The following FBXL17 variants were observed in gnomAD, a reference collection of about 807,000 sequenced individuals.
FBXL17 encodes the protein F-box/LRR-repeat protein 17.
In FBXL17, 22 loss-of-function variants were observed where a neutral mutation model predicts 66.2. That is an observed-to-expected ratio of 0.33 (90% CI 0.24 to 0.47). The LOEUF is 0.47. Ranked by LOEUF, FBXL17 falls within the 20% of genes least tolerant of loss-of-function variation. FBXL17 has a pLI of 1.00. For synonymous variants in FBXL17, 474 were observed against 400.5 expected (o/e 1.18, Z -2.19); for missense variants, 878 against 948.2 (o/e 0.93, Z 0.97).
intron 7 of FBXL17, among the ~76,000 whole-genome samples, chr5:107,979,137 T>C (rs1292465187): frequency 6.6e-6 from 1 of 152,224 alleles, no homozygotes; most frequent in South Asian, 2.1e-4. Context: ...AAACTTTATG[T>C]ATAAGTCAAT....
intron 7 of FBXL17, among the ~76,000 whole-genome samples, chr5:107,932,903 A>G (rs1445004362): frequency 1.3e-5 from 2 of 152,154 alleles, no homozygotes; most frequent in African/African-American, 4.8e-5. Flanking sequence ...TTGATTGTGG[A>G]TATAAACTAG....
intron 7 of FBXL17, among the ~76,000 whole-genome samples, chr5:107,965,555 C>T (rs1221437467): frequency 1.3e-5 from 2 of 152,150 alleles, no homozygotes; most frequent in African/African-American, 4.8e-5. Context: ...CAGACCTTCT[C>T]CAAGGTATAG....
At chr5:108,342,280 G>A (rs1052156767) in intron 4 of FBXL17, among the ~76,000 whole-genome samples, 3 of 152,086 alleles carry the variant, frequency 2.0e-5, no homozygotes, top group African/African-American at 7.2e-5. Flanking sequence ...GAGAAATTTT[G>A]TATAAAATAC....
chr5:108,107,955 C>T (rs1426406908), intron 6 of FBXL17, among the ~76,000 whole-genome samples: 7 of 152,154 alleles, frequency 4.6e-5, no homozygotes, highest in Non-Finnish European at 8.8e-5. Flanking sequence ...TATAATCTGC[C>T]TGTTGGCTCG....
At chr5:108,179,954 G>C (rs1371702415) in intron 6 of FBXL17, among the ~76,000 whole-genome samples, 2 of 152,122 alleles carry the variant, frequency 1.3e-5, no homozygotes, top group South Asian at 2.1e-4. Context: ...AATGGAAAGG[G>C]GGCCAAAGAG....
intron 3 of FBXL17, among the ~76,000 whole-genome samples, chr5:108,361,784 A>C (rs553368805): frequency 6.6e-6 from 1 of 152,212 alleles, no homozygotes; most frequent in African/African-American, 2.4e-5. Context: ...CAGATATATA[A>C]GCACCTGCAT....
At chr5:108,031,496 G>T (rs189610886) in intron 6 of FBXL17, among the ~76,000 whole-genome samples, 2 of 152,022 alleles carry the variant, frequency 1.3e-5, no homozygotes, top group East Asian at 3.9e-4. Context: ...AATATCATAG[G>T]AGTTAAAAAA....
At chr5:108,377,209 CAGTT>C (rs1034663648) in intron 1 of FBXL17, among the ~76,000 whole-genome samples, 23 of 152,308 alleles carry the variant, frequency 1.5e-4, no homozygotes, top group African/African-American at 5.3e-4. Context: ...CCCTTGCTCT[CAGTT>C]AGACAACCTC....
chr5:107,943,982 C>A (rs1161881745), intron 7 of FBXL17, among the ~76,000 whole-genome samples: 1 of 152,170 alleles, frequency 6.6e-6, no homozygotes, highest in Non-Finnish European at 1.5e-5. Context: ...TTGAAGGTGC[C>A]TTGTACATTG....
At chr5:108,099,468 T>C (rs940388005) in intron 6 of FBXL17, among the ~76,000 whole-genome samples, 5 of 152,182 alleles carry the variant, frequency 3.3e-5, no homozygotes, top group Non-Finnish European at 7.3e-5. Context: ...CACTTAGATA[T>C]TGATTTATAG....
intron 4 of FBXL17, among the ~76,000 whole-genome samples, chr5:108,292,870 C>T (rs981401139): frequency 9.2e-5 from 14 of 152,162 alleles, no homozygotes; most frequent in Admixed American, 2.6e-4. Context: ...GAGGACGAGG[C>T]GGGTGGATCA....
At chr5:108,186,336 T>TA in intron 5 of FBXL17, 89 bp from the exon 6 acceptor site, 1 of 1,080,408 alleles carries the variant, frequency 9.3e-7, no homozygotes, top group Non-Finnish European at 1.4e-6. Flanking sequence ...CAAGGTAGAG[T>TA]ATCACTGTAA....
intron 4 of FBXL17, among the ~76,000 whole-genome samples, chr5:108,240,058 G>C (rs1031947016): frequency 6.6e-6 from 1 of 152,092 alleles, no homozygotes; most frequent in Admixed American, 6.5e-5. Context: ...ATCAGAAGCA[G>C]TACCCAGGCA....
At chr5:107,880,137 G>T (rs1452608181) in intron 8 of FBXL17, 2 of 197,694 alleles carry the variant, frequency 1.0e-5, no homozygotes, top group East Asian at 1.9e-4. Context: ...GCACAATCAC[G>T]GCTCACTGCA....
intron 6 of FBXL17, among the ~76,000 whole-genome samples, chr5:108,091,971 T>C (rs1749203040): frequency 6.6e-6 from 1 of 152,242 alleles, no homozygotes; most frequent in Non-Finnish European, 1.5e-5. Flanking sequence ...TCTTTGTTAA[T>C]TTAGGTGTTA....
intron 6 of FBXL17, among the ~76,000 whole-genome samples, chr5:108,173,218 T>C (rs561774453): frequency 9.2e-5 from 14 of 152,248 alleles, no homozygotes; most frequent in African/African-American, 2.6e-4. Context: ...TATATCCTTA[T>C]AAAAAGCACA....
chr5:108,352,659 C>T (rs1034983089), intron 3 of FBXL17, among the ~76,000 whole-genome samples: 7 of 151,912 alleles, frequency 4.6e-5, no homozygotes, highest in East Asian at 1.9e-4. Context: ...TACAGGCACC[C>T]GCCATGACTC....
At chr5:108,141,608 C>A (rs943435197) in intron 6 of FBXL17, among the ~76,000 whole-genome samples, 2 of 152,194 alleles carry the variant, frequency 1.3e-5, no homozygotes. Flanking sequence ...TTTCTAAAAA[C>A]AGATCTGGGC....
In FBXL17 at chr5:108,101,552, T is replaced by C. The variant is rs1385696571; in HGVS notation, c.1746-80551A>G. ...TATTAATGTAACAGTTCTCAGCTAA[T>C]TCCTCTCATTTAGAAAATGGCTTTT... On this transcript the variant is annotated intron_variant, in intron 6 of 8. Transcript: ENST00000542267. Among the ~76,000 whole-genome samples the C allele has an allele frequency of 3.3e-5, 5 of 152,250 alleles. No homozygotes were observed. In the South Asian group the frequency reaches 1.0e-3, roughly 31 times the overall value.
Sources: allele counts gnomAD v4.1 joint callset (sites outside exome capture counted in the v4.1 genomes callset), GRCh38; gene constraint gnomAD v4.1.1; transcripts MANE v1.5; gene names NCBI Gene and HGNC (gene_info 2026-07-23, HGNC 2026-07-21).